Variants in CSTF3 observed in about 807,000 individuals in gnomAD.
CSTF3 encodes CF-1 77 kDa subunit.
A neutral mutation model predicts 105.8 loss-of-function variants in CSTF3; 29 were observed. The ratio of observed to expected loss-of-function variants is 0.27; its 90% CI spans 0.20 to 0.37. The LOEUF is 0.37. Ranked by LOEUF, CSTF3 falls within the 10% of genes least tolerant of loss-of-function variation. The pLI is 1.00. For synonymous variants in CSTF3, 252 were observed against 281.9 expected (o/e 0.89, Z 1.06); for missense variants, 357 against 879.3 (o/e 0.41, Z 7.51).
intron 1 of CSTF3, among the ~76,000 whole-genome samples, chr11:33,153,932 C>T (rs544678434): frequency 1.4e-4 from 21 of 152,190 alleles, no homozygotes; most frequent in African/African-American, 5.1e-4. Flanking sequence ...AGAGTTGAGC[C>T]TCAACCCTGG....
chr11:33,116,053 T>C (rs568162059), intron 3 of CSTF3, among the ~76,000 whole-genome samples: 1 of 152,352 alleles, frequency 6.6e-6, no homozygotes, highest in African/African-American at 2.4e-5. Context: ...CAGAACTACT[T>C]GTCAAAAATG....
Position 33,096,330 on chromosome 11 carries a change from T to C in CSTF3, c.1351A>G (p.Ile451Val), listed in dbSNP as rs1416024472. 1 of 1,583,512 alleles carries C rather than the reference T, an allele frequency of 6.3e-7. No individual in the cohort carries two copies. The highest frequency in any genetic ancestry group is 8.5e-7 in the Non-Finnish European group (1 of 1,172,674). ...CCATTGAGGTGAGAAAGATAGTCAA[T>C]ATAGGCCAGGACATACTCTGGAATG... The part of the protein sequence containing the change: ...GDIPEYVLAY[I>V]DYLSHLNEDN... The change falls in exon 15 of 21, where the codon ATT (isoleucine) becomes GTT (valine). Residue 451 changes from isoleucine (I) to valine (V), a missense_variant. Physicochemically the swap from Ile to Val is conservative, Grantham distance 29. Transcript: ENST00000323959.
chr11:33,097,035 GA>G lies in CSTF3; in HGVS notation c.1129-58del, dbSNP rs1855229521. 2.3e-6 allele frequency: 3 copies of G among 1,295,050 alleles called. No homozygotes were observed. The African/African-American group carries it at 4.5e-5, about 19-fold the overall frequency. 80.2% of individuals were successfully genotyped at this position (1,295,050 alleles called of 1,614,324 possible). On this transcript the variant is annotated intron_variant, in intron 13 of 20. Coordinates refer to ENST00000323959, the MANE Select transcript of CSTF3 (RefSeq NM_001326.3). ...ATTAGACAGTATGTTTCCTGCATAA[GA>G]AAGCAATCCTCAATACCCAATAAAT...
At chr11:33,122,708 A>G (rs1434400129) in intron 3 of CSTF3, among the ~76,000 whole-genome samples, 1 of 151,992 alleles carries the variant, frequency 6.6e-6, no homozygotes, top group South Asian at 2.1e-4. Context: ...TGAGTCCTGG[A>G]GTTCAAGACC....
chr11:33,100,505 T>C (rs896051599), intron 10 of CSTF3, among the ~76,000 whole-genome samples: 11 of 152,082 alleles, frequency 7.2e-5, no homozygotes, highest in Non-Finnish European at 1.2e-4. Flanking sequence ...CCTAAGTTAA[T>C]ACTTATTGAG....
At chr11:33,134,852 A>G (rs73482860) in intron 3 of CSTF3, among the ~76,000 whole-genome samples, 2,598 of 152,284 alleles carry the variant, frequency 0.017, 85 homozygotes, top group African/African-American at 0.059. Context: ...ATAACTGGTT[A>G]TTTGTGAGAA....
intron 3 of CSTF3, among the ~76,000 whole-genome samples, chr11:33,114,570 G>A (rs184978327): frequency 6.6e-6 from 1 of 152,120 alleles, no homozygotes; most frequent in Admixed American, 6.5e-5. Flanking sequence ...CATATTTGAG[G>A]CTGGGTGCAG....
At chr11:33,150,184 C>T (rs1855840362) in intron 1 of CSTF3, among the ~76,000 whole-genome samples, 1 of 144,900 alleles carries the variant, frequency 6.9e-6, no homozygotes, top group Admixed American at 6.9e-5. Flanking sequence ...CACTGCAGTC[C>T]AGCCTGGGCA....
intron 3 of CSTF3, chr11:33,140,859 A>G (rs749720163): frequency 1.5e-4 from 23 of 152,050 alleles, no homozygotes; most frequent in Non-Finnish European, 2.6e-4. Flanking sequence ...TACCCCTTCC[A>G]TATCATTAAT....
At chr11:33,090,078 T>C (rs1320282787) in intron 17 of CSTF3, among the ~76,000 whole-genome samples, 1 of 152,236 alleles carries the variant, frequency 6.6e-6, no homozygotes, top group Non-Finnish European at 1.5e-5. Context: ...AGGAACTTTA[T>C]GGATTTAACA....
intron 17 of CSTF3, among the ~76,000 whole-genome samples, chr11:33,088,881 G>A (rs551752761): frequency 3.0e-4 from 46 of 152,296 alleles, no homozygotes; most frequent in African/African-American, 1.1e-3. Context: ...GCCTCCCAAA[G>A]TGTTGGGATT....
intron 10 of CSTF3, among the ~76,000 whole-genome samples, chr11:33,101,246 G>A (rs1855277622): frequency 6.6e-6 from 1 of 152,206 alleles, no homozygotes; most frequent in Admixed American, 6.5e-5. Context: ...CCCAAAAGGA[G>A]AAAGCCAGAT....
intron 1 of CSTF3, among the ~76,000 whole-genome samples, chr11:33,160,193 T>C (rs571495886): frequency 2.0e-5 from 3 of 151,876 alleles, no homozygotes; most frequent in South Asian, 2.1e-4. Context: ...AAAATGTAAA[T>C]AGTGCGAAGA....
At chr11:33,107,162 A>G (rs1022227563) in intron 5 of CSTF3, among the ~76,000 whole-genome samples, 12 of 152,024 alleles carry the variant, frequency 7.9e-5, no homozygotes, top group African/African-American at 2.9e-4. Flanking sequence ...AAAAATAGAA[A>G]AAAAATCAGC....
chr11:33,142,336 GAT>G (rs10533502), intron 1 of CSTF3, among the ~76,000 whole-genome samples: 84,363 of 151,824 alleles, frequency 0.56, 26,021 homozygotes, highest in Non-Finnish European at 0.69. Flanking sequence ...TTATAATCTA[GAT>G]ATGAGTTAAG....
At chr11:33,103,509 T>C (rs1197389114) in intron 8 of CSTF3, among the ~76,000 whole-genome samples, 4 of 152,208 alleles carry the variant, frequency 2.6e-5, no homozygotes, top group African/African-American at 4.8e-5. Context: ...GGCTCATGCC[T>C]GTAATCTTAG....
intron 13 of CSTF3, among the ~76,000 whole-genome samples, chr11:33,098,237 T>A (rs1855244619): frequency 6.6e-6 from 1 of 152,102 alleles, no homozygotes; most frequent in Admixed American, 6.6e-5. Context: ...TAGAGCAGGA[T>A]TTAGCATAAA....
chr11:33,141,247 G>A (rs1855707409), intron 3 of CSTF3: 1 of 170,588 alleles, frequency 5.9e-6, no homozygotes, highest in South Asian at 2.0e-4. Context: ...CTCTTAAAAT[G>A]TTTCATTTCA....
rs539475946 is a variant in CSTF3, at chr11:33,084,982, A to G, written c.*105T>C. On this transcript the variant is annotated 3_prime_UTR_variant, in exon 21 of 21. Coordinates refer to ENST00000323959, the MANE Select transcript of CSTF3 (RefSeq NM_001326.3). ...TGATAGAGGCACCAATGACAATACAACTTTGTTTCCAAGAACCTTGTAACA... is the reference window on the plus strand; with the variant it reads ...TGATAGAGGCACCAATGACAATACAGCTTTGTTTCCAAGAACCTTGTAACA... 1 of 1,244,468 alleles carries G rather than the reference A, an allele frequency of 8.0e-7. No homozygotes were observed. The allele number at this position is 1,244,468 out of a possible 1,614,324, so 77.1% of individuals were successfully genotyped here.
Sources: gnomAD v4.1 joint callset for allele counts (sites outside exome capture counted in the v4.1 genomes callset) on GRCh38, gnomAD v4.1.1 for gene constraint, MANE v1.5 for transcripts, NCBI Gene and HGNC (gene_info 2026-07-23, HGNC 2026-07-21) for gene names.